Variants in PCDHGA12 observed in about 807,000 individuals in gnomAD.
The protein encoded by PCDHGA12 is protocadherin gamma-A12.
A neutral mutation model predicts 61.1 loss-of-function variants in PCDHGA12; 43 were observed. The observed-to-expected ratio is 0.70, with a 90% CI of 0.55 to 0.91. The LOEUF (loss-of-function observed/expected upper bound fraction) is 0.91. PCDHGA12 is among the 40% of genes least tolerant of loss of function. The pLI, the probability that PCDHGA12 is intolerant of heterozygous loss-of-function variation, is 0.00. For synonymous variants in PCDHGA12, 520 were observed against 542.9 expected (o/e 0.96, Z 0.59); for missense variants, 1,236 against 1,227.7 (o/e 1.01, Z -0.10).
intron 1 of PCDHGA12, among the ~76,000 whole-genome samples, chr5:141,450,006 CTTTTT>C (rs1554136305): frequency 1.5e-5 from 2 of 132,980 alleles, no homozygotes; most frequent in African/African-American, 2.8e-5. Flanking sequence ...TGCCATGTCT[CTTTTT>C]TTTTTTTTTT....
intron 2 of PCDHGA12, among the ~76,000 whole-genome samples, chr5:141,504,059 T>C (rs1179226175): frequency 6.6e-6 from 1 of 152,184 alleles, no homozygotes; most frequent in Admixed American, 6.6e-5. Flanking sequence ...ATTGAAAAAC[T>C]TCTCTGAGCC....
chr5:141,476,920 A>G lies in PCDHGA12; in HGVS notation c.2425-17887A>G. The G allele has an allele frequency of 6.2e-7, 1 of 1,614,094 alleles. No individual in the cohort carries two copies. The highest frequency in any genetic ancestry group is 1.1e-5 in the South Asian group (1 of 91,088). On this transcript the variant is annotated intron_variant, in intron 1 of 3. Coordinates refer to ENST00000252085, the MANE Select transcript of PCDHGA12 (RefSeq NM_003735.3). This position sits in a 1 kb window ranked among gnomAD's most constrained non-coding sequence, Gnocchi z 7.6. ...GCACGCGCGTGGTACAAGTCCTTGC[A>G]ACGGATCTGGATGAAGGCCCCAACG...
chr5:141,489,165 G>T lies in PCDHGA12; in HGVS notation c.2425-5642G>T. ...GAAGGAGACATAAGAGACTTCAGCT[G>T]CTGCATTCCAAGCCCTGGGTCTACC... On this transcript the variant is annotated intron_variant, in intron 1 of 3. Coordinates refer to ENST00000252085, the MANE Select transcript of PCDHGA12 (RefSeq NM_003735.3). This position sits in a 1 kb window ranked among gnomAD's most constrained non-coding sequence, Gnocchi z 4.5. 9.2e-7 allele frequency: 1 copy of T among 1,082,084 alleles called. No homozygotes were observed. Among genetic ancestry groups the T allele is most frequent in the Non-Finnish European group, 1.3e-6 (1 of 745,856 alleles). 67.0% of individuals were successfully genotyped at this position (1,082,084 alleles called of 1,614,324 possible).
At chr5:141,452,760 G>C (rs920853226) in intron 1 of PCDHGA12, among the ~76,000 whole-genome samples, 1 of 152,120 alleles carries the variant, frequency 6.6e-6, no homozygotes, top group African/African-American at 2.4e-5. Context: ...AAGGAAGGGA[G>C]GGAGGGAAAA....
rs769249726 is a variant in PCDHGA12 at position 141,490,832 on chromosome 5, A to C, written c.2425-3975A>C. On this transcript the variant is annotated intron_variant, in intron 1 of 3. Transcript: ENST00000252085. This position sits in a 1 kb window ranked among gnomAD's most constrained non-coding sequence, Gnocchi z 5.4. Reference sequence around the variant, plus strand: ...GACTATGAATTGCTGCAGATGCTGCAGATTGTGGTGGGGGTTCGAGACTCC... The same window carrying C: ...GACTATGAATTGCTGCAGATGCTGCCGATTGTGGTGGGGGTTCGAGACTCC... 1.5e-5 allele frequency: 25 copies of C among 1,613,796 alleles called. No individual in the cohort carries two copies. In the South Asian group the frequency reaches 2.6e-4, roughly 17 times the overall value.
At chr5:141,443,137 A>G (rs1202995621) in intron 1 of PCDHGA12, among the ~76,000 whole-genome samples, 1 of 152,174 alleles carries the variant, frequency 6.6e-6, no homozygotes, top group Non-Finnish European at 1.5e-5. Flanking sequence ...GAACACTATC[A>G]TAAGTTATAC....
chr5:141,456,324 G>T (rs757059960), intron 1 of PCDHGA12, among the ~76,000 whole-genome samples: 15 of 152,166 alleles, frequency 9.9e-5, no homozygotes, highest in Non-Finnish European at 2.9e-5. Context: ...TCCTCCTGGG[G>T]TTGATCTAAG....
chr5:141,457,270 T>C (rs1338894991), intron 1 of PCDHGA12, among the ~76,000 whole-genome samples: 2 of 152,234 alleles, frequency 1.3e-5, no homozygotes. Flanking sequence ...TTCCCCTCTG[T>C]GGGCCTACGA....
chr5:141,509,068 G>T (rs1267011061), intron 3 of PCDHGA12, among the ~76,000 whole-genome samples: 1 of 152,144 alleles, frequency 6.6e-6, no homozygotes, highest in Non-Finnish European at 1.5e-5. Context: ...TCTCAGCTCC[G>T]GGGATTTGCG....
rs117623972 is a variant in PCDHGA12 at position 141,503,322 on chromosome 5, C to T, written c.2484-2071C>T. On this transcript the variant is annotated intron_variant, in intron 2 of 3. Transcript: ENST00000252085. Reference sequence around the variant, plus strand: ...GCTCAAGAAAGAATTGTTGGAGGGGCGCGGTGGCTCACGCCTGTAATTCCA... The same window carrying T: ...GCTCAAGAAAGAATTGTTGGAGGGGTGCGGTGGCTCACGCCTGTAATTCCA... Among the ~76,000 whole-genome samples, 216 of 152,126 alleles carry T rather than the reference C, an allele frequency of 1.4e-3. 8 individuals carry two copies. In the East Asian group the frequency reaches 0.038, roughly 27 times the overall value.
chr5:141,457,949 C>G (rs2098933653), intron 1 of PCDHGA12, among the ~76,000 whole-genome samples: 1 of 152,192 alleles, frequency 6.6e-6, no homozygotes. Flanking sequence ...CTCTGCATGT[C>G]AAGCTTGATT....
chr5:141,476,225 A>G lies in PCDHGA12; in HGVS notation c.2425-18582A>G, dbSNP rs1414835001. ...GGCTTCCACGGTCATTCACTATGAG[A>G]TCCCGGAGGAAAGAGAGAAGGGTTT... On this transcript the variant is annotated intron_variant, in intron 1 of 3. Transcript: ENST00000252085. This position sits in a 1 kb window ranked among gnomAD's most constrained non-coding sequence, Gnocchi z 7.6. 3 of 1,613,882 alleles carry G rather than the reference A, an allele frequency of 1.9e-6. No homozygotes were observed. The highest frequency in any genetic ancestry group is 2.5e-6 in the Non-Finnish European group (3 of 1,180,012).
intron 1 of PCDHGA12, among the ~76,000 whole-genome samples, chr5:141,466,558 C>T (rs1407160827): frequency 6.6e-6 from 1 of 152,120 alleles, no homozygotes; most frequent in Non-Finnish European, 1.5e-5. Flanking sequence ...CTGTGGGCTT[C>T]ATCTTCAACA....
At chr5:141,449,273 C>T (rs1168190907) in intron 1 of PCDHGA12, among the ~76,000 whole-genome samples, 1 of 151,982 alleles carries the variant, frequency 6.6e-6, no homozygotes, top group Non-Finnish European at 1.5e-5. Flanking sequence ...ACTGTATCTC[C>T]TTCACCCGGA....
rs61612330 is a variant in PCDHGA12 at position 141,454,796 on chromosome 5, A to ATTTTTTTTTTTTTTTT, written c.2424+21627_2424+21642dup. Among the ~76,000 whole-genome samples the ATTTTTTTTTTTTTTTT allele has an allele frequency of 1.2e-3, 96 of 77,456 alleles. 8 individuals are homozygous for ATTTTTTTTTTTTTTTT. The highest frequency in any genetic ancestry group is 2.0e-3 in the South Asian group (4 of 1,960). 50.8% of individuals were successfully genotyped at this position (77,456 alleles called of 152,430 possible). A position where few individuals can be genotyped will look rare whatever the true frequency, so the allele number is the denominator to read the frequency against. ...AAGGAAATAATCCTCCATGGTTCTA[A>ATTTTTTTTTTTTTTTT]TTTTTTTTTTTTTTTTTTTTTTTTT... On this transcript the variant is annotated intron_variant, in intron 1 of 3. Coordinates refer to ENST00000252085, the MANE Select transcript of PCDHGA12 (RefSeq NM_003735.3).
At position 141,431,260 on chromosome 5, in the gene PCDHGA12, G is replaced by A. The variant is rs762250032; in HGVS notation, c.501G>A (p.Leu167=). The A allele has an allele frequency of 6.2e-7, 1 of 1,614,170 alleles. No individual in the cohort carries two copies. The highest frequency in any genetic ancestry group is 2.2e-5 in the East Asian group (1 of 44,892). Residue 167 remains leucine (L), a synonymous_variant, in exon 1 of 4, where the codon CTG becomes CTA. Coordinates refer to ENST00000252085, the MANE Select transcript of PCDHGA12 (RefSeq NM_003735.3). The surrounding 1 kb of genome is among the most constrained non-coding windows in gnomAD (Gnocchi z 4.8). ...AWDPDIGKNS[L]QSYELSPNTH... is the part of the protein sequence containing the mutation. The stretch of plus-strand genomic sequence containing the variant: ...ATCCGGATATCGGGAAGAACTCTCT[G>A]CAGAGCTACGAGCTCAGCCCGAACA...
In PCDHGA12 at chr5:141,491,958, A is replaced by C; in HGVS notation, c.2425-2849A>C. The C allele has an allele frequency of 2.0e-6, 2 of 999,758 alleles. No homozygotes were observed. Among genetic ancestry groups the C allele is most frequent in the Non-Finnish European group, 2.8e-6 (2 of 718,534 alleles). The allele number at this position is 999,758 out of a possible 1,614,324, so 61.9% of individuals were successfully genotyped here. The stretch of plus-strand genomic sequence containing the variant: ...ACCGACCCCCACCCCTACACTCAAA[A>C]AAGGCCGGGGCCTCCTTCGAGCTTC... On this transcript the variant is annotated intron_variant, in intron 1 of 3. Coordinates refer to ENST00000252085, the MANE Select transcript of PCDHGA12 (RefSeq NM_003735.3). The surrounding 1 kb of genome is among the most constrained non-coding windows in gnomAD (Gnocchi z 6.9).
chr5:141,477,191 A>C lies in PCDHGA12; in HGVS notation c.2425-17616A>C. 1 of 1,614,210 alleles carries C rather than the reference A, an allele frequency of 6.2e-7. No individual in the cohort carries two copies. The highest frequency in any genetic ancestry group is 1.1e-5 in the South Asian group (1 of 91,086). ...GGAGATCACAGTCACCTCCGTGTAC[A>C]GCCCAGTACCCGAGGATGCCCCTCT... On this transcript the variant is annotated intron_variant, in intron 1 of 3. Coordinates refer to ENST00000252085, the MANE Select transcript of PCDHGA12 (RefSeq NM_003735.3). This position sits in a 1 kb window ranked among gnomAD's most constrained non-coding sequence, Gnocchi z 4.9.
chr5:141,441,230 ATTTAAATCACAAGATC>A (rs1009424536), intron 1 of PCDHGA12: 1 of 152,196 alleles, frequency 6.6e-6, no homozygotes, highest in African/African-American at 2.4e-5. Context: ...ACTGTCCAGG[ATTTAAATCACAAGATC>A]TTTAAATCAC....
Sources: allele counts gnomAD v4.1 joint callset (sites outside exome capture counted in the v4.1 genomes callset), GRCh38; gene constraint gnomAD v4.1.1; non-coding constraint Gnocchi (gnomAD v3.1); transcripts MANE v1.5; gene names NCBI Gene and HGNC (gene_info 2026-07-23, HGNC 2026-07-21).